Variants in MOSMO observed in about 807,000 individuals in gnomAD.
MOSMO encodes the protein modulator of smoothened protein.
MOSMO carries 5 observed loss-of-function variants against 18.4 expected under a neutral mutation model. That is an observed-to-expected ratio of 0.27 (90% CI 0.14 to 0.57). The LOEUF is 0.57. MOSMO is among the 20% of genes least tolerant of loss of function. The probability of loss-of-function intolerance (pLI) is 0.92; values close to 1 mark genes in which losing one functional copy is unlikely to be tolerated. For synonymous variants in MOSMO, 82 were observed against 82.3 expected, an observed-to-expected ratio of 1.00 and a Z score of 0.02; for missense variants, 138 against 211.8, an observed-to-expected ratio of 0.65 and a Z score of 2.16.
At chr16:22,022,423 C>G (rs1025826328) in intron 1 of MOSMO, among the ~76,000 whole-genome samples, 1 of 152,148 alleles carries the variant, frequency 6.6e-6, no homozygotes, top group Admixed American at 6.5e-5. Context: ...GACAGCCTAT[C>G]CAAATGTTTA....
At chr16:22,080,102 A>G (rs752387837) in intron 2 of MOSMO, among the ~76,000 whole-genome samples, 11 of 152,160 alleles carry the variant, frequency 7.2e-5, no homozygotes, top group Non-Finnish European at 1.6e-4. Flanking sequence ...CTGATTTTAA[A>G]TCAGAGTAAG....
chr16:22,037,149 A>G (rs939302863), intron 1 of MOSMO, among the ~76,000 whole-genome samples: 2 of 152,192 alleles, frequency 1.3e-5, no homozygotes, highest in Non-Finnish European at 2.9e-5. Flanking sequence ...TCGTGCCTAT[A>G]GTCCTAGCTA....
At chr16:22,091,572 G>T (rs544476419), downstream of MOSMO, among the ~76,000 whole-genome samples, 1 of 152,040 alleles carries the variant, frequency 6.6e-6, no homozygotes, top group Non-Finnish European at 1.5e-5. Context: ...TTTTATTTTT[G>T]TAGAGACAGA....
At position 22,014,968 on chromosome 16, in the gene MOSMO, A is replaced by T. The variant is rs191847854; in HGVS notation, c.106+6561A>T. ...TGTAATTCACATAATACTAAAATTC[A>T]TCCATTTAAAGTATACAAATAAAGT... On this transcript the variant is annotated intron_variant, in intron 1 of 2. Transcript: ENST00000542527. 5.2e-3 allele frequency among the ~76,000 whole-genome samples: 793 copies of T among 152,304 alleles called. 24 individuals are homozygous for T. The highest frequency in any genetic ancestry group is 1.4e-3 in the Non-Finnish European group (92 of 68,014).
chr16:22,069,879 G>C (rs1446884515), intron 1 of MOSMO, among the ~76,000 whole-genome samples: 1 of 152,182 alleles, frequency 6.6e-6, no homozygotes, highest in African/African-American at 2.4e-5. Context: ...TTGTTTTATG[G>C]TAGGGGAGAC....
At chr16:22,015,844 G>T (rs1899625471) in intron 1 of MOSMO, among the ~76,000 whole-genome samples, 1 of 152,068 alleles carries the variant, frequency 6.6e-6, no homozygotes, top group African/African-American at 2.4e-5. Context: ...TTGGAGAAGG[G>T]GAATTTAGGA....
rs189609801 is a variant in MOSMO at position 22,060,842 on chromosome 16, T to C, written c.107-14645T>C. Among the ~76,000 whole-genome samples the C allele has an allele frequency of 3.8e-3, 574 of 151,086 alleles. 5 individuals are homozygous for C. The highest frequency in any genetic ancestry group is 6.4e-3 in the Non-Finnish European group (434 of 67,800). On this transcript the variant is annotated intron_variant, in intron 1 of 2. Coordinates refer to ENST00000542527, the MANE Select transcript of MOSMO (RefSeq NM_001164579.2). ...GAGCCGAGATCGCATCATTGCACTCTAGCCTGGGCAACAGGAGCAAAACTC... is the reference window on the plus strand; with the variant it reads ...GAGCCGAGATCGCATCATTGCACTCCAGCCTGGGCAACAGGAGCAAAACTC...
downstream of MOSMO, among the ~76,000 whole-genome samples, chr16:22,088,332 G>A (rs1401888579): frequency 6.6e-6 from 1 of 152,142 alleles, no homozygotes; most frequent in East Asian, 1.9e-4. Context: ...GACTTAATTT[G>A]TGATGTAGAT....
downstream of MOSMO, chr16:22,092,470 C>T (rs1459769175): frequency 1.1e-5 from 8 of 731,018 alleles, no homozygotes; most frequent in East Asian, 3.2e-5. Context: ...TTCCCTGCCC[C>T]GAGCTGCAGT....
intron 1 of MOSMO, among the ~76,000 whole-genome samples, chr16:22,050,169 A>G (rs764618631): frequency 1.3e-4 from 20 of 152,224 alleles, no homozygotes; most frequent in Non-Finnish European, 2.8e-4. Context: ...TAAATAACAT[A>G]CTTGATTAAT....
chr16:22,033,600 G>C (rs539632302), intron 1 of MOSMO, among the ~76,000 whole-genome samples: 1 of 151,884 alleles, frequency 6.6e-6, no homozygotes, highest in Non-Finnish European at 1.5e-5. Context: ...GGCAGATCAC[G>C]AGGTCAGGAG....
rs377143976 is a variant in MOSMO at position 22,047,401 on chromosome 16, C to T, written c.107-28086C>T. Among the ~76,000 whole-genome samples the T allele has an allele frequency of 4.3e-3, 655 of 151,906 alleles. 8 individuals carry two copies. The highest frequency in any genetic ancestry group is 0.015 in the African/African-American group (622 of 41,414). ...CTGGGACTACAGGCGCCCGTCACCA[C>T]GCCCGGCTAATTTTTTGTATTTTTA... is the stretch of plus-strand genomic sequence containing the variant. On this transcript the variant is annotated intron_variant, in intron 1 of 2. Transcript: ENST00000542527.
chr16:22,051,248 C>T (rs1900419132), intron 1 of MOSMO, among the ~76,000 whole-genome samples: 1 of 151,852 alleles, frequency 6.6e-6, no homozygotes, highest in South Asian at 2.1e-4. Flanking sequence ...ATTAGCCGAG[C>T]ATGGTGGTGC....
rs1344025284 is a variant in MOSMO at position 22,008,267 on chromosome 16, C to G, written c.-35C>G. ...GGGAGGCGTGAGGCCGCTGCCTGTCCGGGGCTCGGGGGGTGGGGGGAGCGG... is the reference window on the plus strand; with the variant it reads ...GGGAGGCGTGAGGCCGCTGCCTGTCGGGGGCTCGGGGGGTGGGGGGAGCGG... On this transcript the variant is annotated 5_prime_UTR_variant, in exon 1 of 3. Coordinates refer to ENST00000542527, the MANE Select transcript of MOSMO (RefSeq NM_001164579.2). 4.7e-6 allele frequency: 6 copies of G among 1,273,846 alleles called. No individual in the cohort carries two copies. Among genetic ancestry groups the G allele is most frequent in the South Asian group, 2.7e-5 (2 of 73,428 alleles). 78.9% of individuals were successfully genotyped at this position (1,273,846 alleles called of 1,614,324 possible).
chr16:22,024,408 A>G (rs1899833164), intron 1 of MOSMO, among the ~76,000 whole-genome samples: 1 of 151,182 alleles, frequency 6.6e-6, no homozygotes, highest in South Asian at 2.1e-4. Flanking sequence ...TTCTGTCACC[A>G]GGCTGGAGAG....
In MOSMO at chr16:22,027,080, G is replaced by T. The variant is rs546062638; in HGVS notation, c.106+18673G>T. Among the ~76,000 whole-genome samples the T allele has an allele frequency of 3.3e-5, 5 of 152,242 alleles. No individual in the cohort carries two copies. In the South Asian group the frequency reaches 6.2e-4, roughly 19 times the overall value. ...AATTCTCAAGAAAATCTAGGACTAG[G>T]ATTTCAATATAATTTTAAAAGGAAG... On this transcript the variant is annotated intron_variant, in intron 1 of 2. Coordinates refer to ENST00000542527, the MANE Select transcript of MOSMO (RefSeq NM_001164579.2).
downstream of MOSMO, chr16:22,087,171 C>T (rs949445343): frequency 1.2e-4 from 19 of 152,190 alleles, no homozygotes; most frequent in African/African-American, 4.6e-4. Flanking sequence ...AGTGAACTCT[C>T]CGGAGGCCTC....
intron 1 of MOSMO, among the ~76,000 whole-genome samples, chr16:22,054,047 CTT>C (rs748867767): frequency 3.3e-5 from 5 of 151,854 alleles, no homozygotes; most frequent in African/African-American, 4.8e-5. Flanking sequence ...ACCTTGATGA[CTT>C]TGCAGGTTTT....
intron 1 of MOSMO, among the ~76,000 whole-genome samples, chr16:22,051,879 C>A (rs1329002676): frequency 6.6e-6 from 1 of 152,094 alleles, no homozygotes; most frequent in Non-Finnish European, 1.5e-5. Flanking sequence ...AATTGGAGGA[C>A]ACCTGGCTGG....
Sources: gnomAD v4.1 joint callset for allele counts (sites outside exome capture counted in the v4.1 genomes callset) on GRCh38, gnomAD v4.1.1 for gene constraint, MANE v1.5 for transcripts, NCBI Gene and HGNC (gene_info 2026-07-23, HGNC 2026-07-21) for gene names.